The following LRRTM4 variants were observed in gnomAD, a reference collection of about 807,000 sequenced individuals.
LRRTM4 encodes the protein leucine rich repeat transmembrane neuronal 4.
In LRRTM4, 25 loss-of-function variants were observed where a neutral mutation model predicts 47.6. The observed-to-expected ratio is 0.53, with a 90% CI of 0.38 to 0.73. The LOEUF (loss-of-function observed/expected upper bound fraction) is 0.73, where lower values mean the gene tolerates loss of function less well. Among genes scored for constraint, LRRTM4 ranks in the 30% least tolerant of loss-of-function variants. The probability of loss-of-function intolerance (pLI) is 0.00; values close to 1 mark genes in which losing one functional copy is unlikely to be tolerated. For synonymous variants in LRRTM4, 311 were observed against 269.5 expected (o/e 1.15, Z -1.51); for missense variants, 638 against 713.4 (o/e 0.89, Z 1.20).
intron 3 of LRRTM4, among the ~76,000 whole-genome samples, chr2:77,123,969 T>G (rs758838827): frequency 6.6e-6 from 1 of 152,034 alleles, no homozygotes; most frequent in Admixed American, 6.6e-5. Flanking sequence ...AATGCAGAAG[T>G]TGGTGAGCCA....
chr2:77,394,150 A>C (rs2103820562), intron 3 of LRRTM4, among the ~76,000 whole-genome samples: 1 of 152,108 alleles, frequency 6.6e-6, no homozygotes, highest in South Asian at 2.1e-4. Context: ...TCACAGAATA[A>C]GCAAATTACA....
At chr2:77,339,049 T>C (rs1671270790) in intron 3 of LRRTM4, among the ~76,000 whole-genome samples, 1 of 151,724 alleles carries the variant, frequency 6.6e-6, no homozygotes, top group African/African-American at 2.4e-5. Flanking sequence ...AGGAAAACTG[T>C]AGGTACAAAA....
chr2:76,798,837 A>C (rs1285189782), intron 3 of LRRTM4, among the ~76,000 whole-genome samples: 2 of 152,188 alleles, frequency 1.3e-5, no homozygotes, highest in African/African-American at 4.8e-5. Flanking sequence ...ACGCAAATAA[A>C]CTAGAAAATC....
chr2:76,754,151 C>T (rs953868847), intron 3 of LRRTM4, among the ~76,000 whole-genome samples: 10 of 152,212 alleles, frequency 6.6e-5, no homozygotes, highest in Middle Eastern at 3.4e-3. Flanking sequence ...GAATTCAATG[C>T]AGTTGAATTG....
intron 3 of LRRTM4, among the ~76,000 whole-genome samples, chr2:77,263,368 C>A (rs1190129043): frequency 6.6e-6 from 1 of 152,072 alleles, no homozygotes; most frequent in Non-Finnish European, 1.5e-5. Flanking sequence ...GTGATTGAAC[C>A]TGAGAAGCAG....
intron 3 of LRRTM4, among the ~76,000 whole-genome samples, chr2:77,214,317 T>C (rs1381387214): frequency 2.6e-5 from 4 of 152,186 alleles, no homozygotes; most frequent in African/African-American, 9.6e-5. Flanking sequence ...GGTTAAGTCA[T>C]CTGGATTCTC....
rs950879422 is a variant in LRRTM4 at position 76,942,452 on chromosome 2, C to A, written c.1552-193536G>T. 2.0e-5 allele frequency among the ~76,000 whole-genome samples: 3 copies of A among 150,018 alleles called. 1 individual carries two copies. The highest frequency in any genetic ancestry group is 3.5e-3 in the Middle Eastern group (1 of 288). On this transcript the variant is annotated intron_variant, in intron 3 of 3. Transcript: ENST00000409884. ...TTTGCCCCTTGAAGGGAACAGGTAA[C>A]AGAATAGGTATTTCTGATGCTTAAA...
intron 3 of LRRTM4, among the ~76,000 whole-genome samples, chr2:77,323,536 TA>T: frequency 6.6e-6 from 1 of 152,248 alleles, no homozygotes; most frequent in East Asian, 1.9e-4. Flanking sequence ...AATGAATACC[TA>T]ATCACAATGG....
At chr2:76,800,064 G>A (rs1244088668) in intron 3 of LRRTM4, among the ~76,000 whole-genome samples, 1 of 151,834 alleles carries the variant, frequency 6.6e-6, no homozygotes, top group East Asian at 1.9e-4. Flanking sequence ...TCCCCCTCAA[G>A]CTACCAATGC....
At chr2:76,935,763 T>C (rs940668684) in intron 3 of LRRTM4, among the ~76,000 whole-genome samples, 4 of 152,228 alleles carry the variant, frequency 2.6e-5, no homozygotes, top group Admixed American at 6.5e-5. Flanking sequence ...TGGGGTTTTC[T>C]AAATATACAA....
intron 3 of LRRTM4, among the ~76,000 whole-genome samples, chr2:76,821,919 C>A (rs537141366): frequency 1.3e-5 from 2 of 151,526 alleles, no homozygotes; most frequent in Non-Finnish European, 3.0e-5. Context: ...CATATAGTAC[C>A]TGACGTATGT....
intron 3 of LRRTM4, among the ~76,000 whole-genome samples, chr2:77,243,334 T>C (rs1207539749): frequency 4.0e-5 from 6 of 149,022 alleles, no homozygotes; most frequent in Admixed American, 2.0e-4. Context: ...TGCTTGAACC[T>C]GGGAGGCGGA....
chr2:76,768,022 A>T (rs552595858), intron 3 of LRRTM4, among the ~76,000 whole-genome samples: 4 of 152,330 alleles, frequency 2.6e-5, no homozygotes, highest in African/African-American at 9.6e-5. Context: ...AGCCAATTTC[A>T]TAAGAAATTT....
intron 3 of LRRTM4, among the ~76,000 whole-genome samples, chr2:76,772,169 A>G (rs1673739938): frequency 6.6e-6 from 1 of 152,144 alleles, no homozygotes; most frequent in African/African-American, 2.4e-5. Flanking sequence ...GCCATTATCA[A>G]AGAAACCCGG....
At chr2:76,968,555 G>A (rs909598359) in intron 3 of LRRTM4, among the ~76,000 whole-genome samples, 11 of 150,754 alleles carry the variant, frequency 7.3e-5, no homozygotes, top group Admixed American at 4.0e-4. Context: ...TAGGCTAGTC[G>A]TTCTCAATAA....
At chr2:77,127,940 C>T (rs1196489437) in intron 3 of LRRTM4, among the ~76,000 whole-genome samples, 3 of 151,944 alleles carry the variant, frequency 2.0e-5, no homozygotes, top group Non-Finnish European at 2.9e-5. Flanking sequence ...GTCAGGAGTT[C>T]GAGACCTGCC....
chr2:76,823,501 C>T (rs1420701803), intron 3 of LRRTM4, among the ~76,000 whole-genome samples: 1 of 151,316 alleles, frequency 6.6e-6, no homozygotes, highest in Non-Finnish European at 1.5e-5. Context: ...AAGGATAAGT[C>T]ATTTGTTGGA....
intron 3 of LRRTM4, among the ~76,000 whole-genome samples, chr2:77,163,566 C>T (rs1672792362): frequency 6.6e-6 from 1 of 152,134 alleles, no homozygotes; most frequent in Non-Finnish European, 1.5e-5. Context: ...ATGTTAAGGG[C>T]AGCCAGAGAA....
intron 3 of LRRTM4, among the ~76,000 whole-genome samples, chr2:77,128,023 A>G (rs1671694083): frequency 6.6e-6 from 1 of 152,006 alleles, no homozygotes; most frequent in South Asian, 2.1e-4. Context: ...CACGCCTGTA[A>G]TCCCAGCTAC....
Sources: allele counts gnomAD v4.1 joint callset (sites outside exome capture counted in the v4.1 genomes callset), GRCh38; gene constraint gnomAD v4.1.1; transcripts MANE v1.5; gene names NCBI Gene and HGNC (gene_info 2026-07-23, HGNC 2026-07-21).